The following CR1 variants were observed in gnomAD, a reference collection of about 807,000 sequenced individuals.
CR1 encodes the protein complement receptor type 1.
Under a neutral mutation model 187.3 loss-of-function variants are expected in CR1, and 116 were observed. The ratio of observed to expected loss-of-function variants is 0.62; its 90% CI spans 0.53 to 0.72. The LOEUF is 0.72. CR1 is among the 30% of genes least tolerant of loss of function. The pLI, the probability that CR1 is intolerant of heterozygous loss-of-function variation, is 0.00. For missense variants in CR1, 1,731 were observed against 2,110.7 expected (o/e 0.82, Z 3.52); for synonymous variants, 576 against 747.1 (o/e 0.77, Z 3.73).
At position 207,526,919 on chromosome 1, in the gene CR1, C is replaced by A. The variant is rs763683641; in HGVS notation, c.1053C>A (p.Pro351=). 7.5e-6 allele frequency: 11 copies of A among 1,466,854 alleles called. 2 individuals carry two copies. The highest frequency in any genetic ancestry group is 5.5e-5 in the South Asian group (4 of 72,698). The allele number at this position is 1,466,854 out of a possible 1,614,324, so 90.9% of individuals were successfully genotyped here. A position where few individuals can be genotyped will look rare whatever the true frequency, so the allele number is the denominator to read the frequency against. ...AGGGAGACTGGAGCCCTGCAGCCCC[C>A]ACATGTGAAGGTGACTAGACTCTTA... ...TPQGDWSPAA[P]TCEVKSCDDF... is the part of the protein sequence containing the mutation. Residue 351 remains proline (P), a synonymous_variant, in exon 6 of 47, where the codon CCC becomes CCA. Coordinates refer to ENST00000367049, the MANE Select transcript of CR1 (RefSeq NM_000651.6).
intron 41 of CR1, among the ~76,000 whole-genome samples, chr1:207,617,507 A>ATATATATATATATATATGTGTGTG (rs1332301171): frequency 5.5e-4 from 26 of 47,008 alleles, no homozygotes; most frequent in Admixed American, 1.2e-3. Flanking sequence ...ATATATATAT[A>ATATATATATATATATATGTGTGTG]TGTGTGTGTG....
At position 207,623,000 on chromosome 1, in the gene CR1, A is replaced by C; in HGVS notation, c.7284A>C (p.Leu2428Phe). 6.4e-7 allele frequency: 1 copy of C among 1,571,948 alleles called. No homozygotes were observed. The highest frequency in any genetic ancestry group is 1.3e-5 in the African/African-American group (1 of 74,488). Residue 2428 changes from leucine (L) to phenylalanine (F), a missense_variant, in exon 45 of 47, where the codon TTA becomes TTC. By Grantham distance (22) the Leu-to-Phe change is conservative. Coordinates refer to ENST00000367049, the MANE Select transcript of CR1 (RefSeq NM_000651.6). ...RTHDALIVGT[L>F]SGTIFFILLI... is the part of the protein sequence containing the mutation. ...CCTTGTTTTACTGCCTAGGCACTTT[A>C]TCTGGTACGATCTTCTTTATTTTAC...
At chr1:207,627,801 G>C (rs1662525636) in intron 45 of CR1, among the ~76,000 whole-genome samples, 1 of 152,102 alleles carries the variant, frequency 6.6e-6, no homozygotes, top group Non-Finnish European at 1.5e-5. Flanking sequence ...AGTTCTAGTG[G>C]GTAGAGAGTC....
intron 46 of CR1, among the ~76,000 whole-genome samples, chr1:207,635,003 C>T (rs933649622): frequency 6.6e-5 from 10 of 152,224 alleles, no homozygotes; most frequent in Non-Finnish European, 2.9e-5. Context: ...ATTAATCTCT[C>T]TGTTTTCTAC....
intron 3 of CR1, among the ~76,000 whole-genome samples, chr1:207,508,679 A>T (rs556945822): frequency 6.6e-6 from 1 of 152,182 alleles, no homozygotes; most frequent in South Asian, 2.1e-4. Flanking sequence ...ATCTCTCTGT[A>T]CTATTCCCTG....
Position 207,593,590 on chromosome 1 carries a change from A to G in CR1, c.5810+4816A>G, listed in dbSNP as rs185402847. Among the ~76,000 whole-genome samples the G allele has an allele frequency of 2.0e-5, 3 of 152,374 alleles. No homozygotes were observed. In the East Asian group the frequency reaches 5.8e-4, roughly 29 times the overall value. On this transcript the variant is annotated intron_variant, in intron 35 of 46. Transcript: ENST00000367049. ...TAAAACACCAAAAGCAATGGTAACA[A>G]AAACCAAAATTGACAAATGGGATCT...
chr1:207,601,510 C>A (rs1423422854), intron 35 of CR1, among the ~76,000 whole-genome samples: 1 of 152,126 alleles, frequency 6.6e-6, no homozygotes. Context: ...TCCACAGCTG[C>A]TGTACCATTT....
intron 33 of CR1, among the ~76,000 whole-genome samples, chr1:207,586,463 G>C (rs967220963): frequency 6.6e-6 from 1 of 152,188 alleles, no homozygotes; most frequent in Non-Finnish European, 1.5e-5. Flanking sequence ...TAAATGCCTG[G>C]TTTAGCATCA....
intron 1 of CR1, among the ~76,000 whole-genome samples, chr1:207,503,639 C>T (rs1489893885): frequency 2.6e-5 from 4 of 152,224 alleles, no homozygotes; most frequent in Non-Finnish European, 4.4e-5. Flanking sequence ...CTTGTGATCA[C>T]ATTTAAGGTC....
intron 28 of CR1, among the ~76,000 whole-genome samples, chr1:207,576,495 C>T (rs1278414026): frequency 3.9e-5 from 6 of 152,042 alleles, no homozygotes; most frequent in African/African-American, 1.4e-4. Context: ...TTAGTTCTTC[C>T]AGAGCTTTTG....
chr1:207,501,173 T>A (rs1175575360), intron 1 of CR1, among the ~76,000 whole-genome samples: 17 of 152,286 alleles, frequency 1.1e-4, no homozygotes, highest in Non-Finnish European at 5.9e-5. Flanking sequence ...TATATGAAAT[T>A]TTAGAAAGTC....
chr1:207,588,856 A>G (rs1343649613), intron 35 of CR1, 82 bp downstream of exon 35: 1 of 904,154 alleles, frequency 1.1e-6, no homozygotes, highest in East Asian at 2.6e-5. Context: ...TAGACAAACT[A>G]AACTATTGCT....
intron 40 of CR1, 38 bp downstream of exon 40, chr1:207,614,527 T>G (rs1241842008): frequency 6.4e-7 from 1 of 1,558,534 alleles, no homozygotes; most frequent in East Asian, 2.3e-5. Context: ...ATAGCTCTCC[T>G]TATTTTCGTT....
rs189546230 is a variant in CR1, at chr1:207,567,796, A to G, written c.3953-28A>G. 1,267 of 1,611,004 alleles carry G rather than the reference A, an allele frequency of 7.9e-4. 132 individuals carry two copies. The African/African-American group carries it at 0.016, about 20-fold the overall frequency. On this transcript the variant is annotated intron_variant, in intron 24 of 46. Transcript: ENST00000367049. ...ATACCTCTGGTGAAACTCCTGAATG[A>G]AACTTAGAGCTTTTGTATGTTTTCT...
intron 3 of CR1, among the ~76,000 whole-genome samples, chr1:207,508,293 T>C (rs949635598): frequency 6.6e-6 from 1 of 152,228 alleles, no homozygotes; most frequent in Non-Finnish European, 1.5e-5. Context: ...AACTATGGAC[T>C]TGGGGTGGCC....
intron 36 of CR1, among the ~76,000 whole-genome samples, chr1:207,608,775 G>A (rs1182560366): frequency 1.3e-5 from 2 of 152,128 alleles, no homozygotes; most frequent in Non-Finnish European, 2.9e-5. Flanking sequence ...TATGTGTGTA[G>A]TCACTTAGCC....
rs1293651285 is a variant in CR1 at position 207,577,949 on chromosome 1, C to T, written c.4682C>T (p.Pro1561Leu). 1 of 1,611,940 alleles carries T rather than the reference C, an allele frequency of 6.2e-7. No homozygotes were observed. Among genetic ancestry groups the T allele is most frequent in the East Asian group, 2.2e-5 (1 of 44,880 alleles). Residue 1561 changes from proline to leucine, a missense_variant, in exon 29 of 47, where the codon CCC (proline) becomes CTC (leucine). Pro to Leu is a moderately conservative substitution (Grantham distance 98). Around this residue, in one of 5 missense-constraint regions of CR1, gnomAD observed 1,312 missense variants for 1,379.6 expected, o/e 0.95. Coordinates refer to ENST00000367049, the MANE Select transcript of CR1 (RefSeq NM_000651.6). ...GRKVFELVGEPSIYCTSNDDQ... is the reference protein window; with the variant it reads ...GRKVFELVGELSIYCTSNDDQ... ...AAGGTGTTTGAGCTTGTGGGTGAGC[C>T]CTCCATATACTGCACCAGCAATGAC...
chr1:207,506,694 A>T lies in CR1; in HGVS notation c.302-20A>T, dbSNP rs1332089578. The T allele has an allele frequency of 6.2e-7, 1 of 1,610,068 alleles. No homozygotes were observed. The highest frequency in any genetic ancestry group is 8.5e-7 in the Non-Finnish European group (1 of 1,176,684). On this transcript the variant is annotated intron_variant, in intron 2 of 46. Coordinates refer to ENST00000367049, the MANE Select transcript of CR1 (RefSeq NM_000651.6). ...TTAGTTTACTCTACTTGGCTCCAAAATTCTGTTTCTTTCCTGTAGGTAAAT... is the reference window on the plus strand; with the variant it reads ...TTAGTTTACTCTACTTGGCTCCAAATTTCTGTTTCTTTCCTGTAGGTAAAT...
At chr1:207,623,870 G>A (rs961488976) in intron 45 of CR1, among the ~76,000 whole-genome samples, 1 of 142,640 alleles carries the variant, frequency 7.0e-6, no homozygotes, top group African/African-American at 2.6e-5. Context: ...TTTCCATTGG[G>A]TATTTTAATA....
Sources: gnomAD v4.1 joint callset for allele counts (sites outside exome capture counted in the v4.1 genomes callset) on GRCh38, gnomAD v4.1.1 for gene constraint, gnomAD v4.1.1 regional missense constraint, MANE v1.5 for transcripts, NCBI Gene and HGNC (gene_info 2026-07-23, HGNC 2026-07-21) for gene names.